Variants in NGLY1 observed in about 807,000 individuals in gnomAD.
NGLY1 encodes peptide-N(4)-(N-acetyl-beta-glucosaminyl)asparagine amidase.
Under a neutral mutation model 84.6 loss-of-function variants are expected in NGLY1, and 68 were observed. The ratio of observed to expected loss-of-function variants is 0.80; its 90% CI spans 0.66 to 0.98. The LOEUF (loss-of-function observed/expected upper bound fraction) is 0.98. NGLY1 is among the 50% of genes least tolerant of loss of function. NGLY1 has a pLI of 0.00. For missense variants in NGLY1, 779 were observed against 770.2 expected (o/e 1.01, Z -0.14); for synonymous variants, 280 against 275.2 (o/e 1.02, Z -0.17).
intron 1 of NGLY1, among the ~76,000 whole-genome samples, chr3:25,780,745 G>C (rs1217293620): frequency 6.6e-6 from 1 of 151,332 alleles, no homozygotes; most frequent in Non-Finnish European, 1.5e-5. Context: ...CTCAGCCTCT[G>C]AAGTAGCTAG....
chr3:25,788,503 A>T (rs1272880609), intron 1 of NGLY1, among the ~76,000 whole-genome samples: 3 of 152,238 alleles, frequency 2.0e-5, no homozygotes, highest in Non-Finnish European at 1.5e-5. Context: ...CAGATCAAAG[A>T]AAAGGTGATA....
intron 5 of NGLY1, among the ~76,000 whole-genome samples, chr3:25,738,198 C>A (rs991093339): frequency 6.6e-6 from 1 of 152,144 alleles, no homozygotes; most frequent in Non-Finnish European, 1.5e-5. Context: ...AGGTAAACAA[C>A]TTTAACAAAT....
chr3:25,754,874 G>A, intron 3 of NGLY1: 1 of 622,694 alleles, frequency 1.6e-6, no homozygotes, highest in Non-Finnish European at 2.9e-6. Context: ...GACCAACTAA[G>A]TTAAAGACTA....
In NGLY1 at chr3:25,778,875, AT is replaced by A. The variant is rs34966577; in HGVS notation, c.132-188del. Among the ~76,000 whole-genome samples, 12,593 of 81,010 alleles carry A rather than the reference AT, an allele frequency of 0.16. 1,342 individuals are homozygous for A. The highest frequency in any genetic ancestry group is 0.32 in the African/African-American group (9,639 of 30,248). The allele number at this position is 81,010 out of a possible 152,430, so 53.1% of individuals were successfully genotyped here. On this transcript the variant is annotated intron_variant, in intron 1 of 11. Coordinates refer to ENST00000280700, the MANE Select transcript of NGLY1 (RefSeq NM_018297.4). ...ATTACATTCTGTGCTGTTAAGGTAC[AT>A]TTTTTTTTTTTGAGATGGGGGGGGT...
intron 3 of NGLY1, among the ~76,000 whole-genome samples, chr3:25,753,349 G>C (rs1559545510): frequency 6.6e-6 from 1 of 152,070 alleles, no homozygotes; most frequent in African/African-American, 2.4e-5. Context: ...TTTCTGATAT[G>C]TAACAATACA....
Position 25,732,453 on chromosome 3 carries a change from T to C in NGLY1, c.1291A>G (p.Lys431Glu). 3 of 1,613,394 alleles carry C rather than the reference T, an allele frequency of 1.9e-6. No individual in the cohort carries two copies. Among genetic ancestry groups the C allele is most frequent in the Non-Finnish European group, 2.5e-6 (3 of 1,179,606 alleles). Residue 431 changes from lysine to glutamate, a missense_variant, in exon 9 of 12, where the codon AAA (lysine) becomes GAA (glutamate). Lys to Glu is a moderately conservative substitution (Grantham distance 56). Coordinates refer to ENST00000280700, the MANE Select transcript of NGLY1 (RefSeq NM_018297.4). ...RQLFLSENRR[K>E]ELLQRIIVEL... ...ACAATTATCCTCTGGAGAAGTTCTT[T>C]CCTTCTGTTTTCTGACAAAAACAGT...
chr3:25,729,484 T>C (rs532502927), intron 9 of NGLY1, 166 bp from the exon 10 acceptor site: 7 of 387,962 alleles, frequency 1.8e-5, no homozygotes, highest in Non-Finnish European at 2.7e-5. Context: ...ATAATCAGTA[T>C]GATGTTATTA....
chr3:25,751,857 C>T (rs1165575706), intron 3 of NGLY1, among the ~76,000 whole-genome samples: 1 of 152,204 alleles, frequency 6.6e-6, no homozygotes, highest in Non-Finnish European at 1.5e-5. Context: ...CTTCTCCCTC[C>T]TTGTCACCTC....
At chr3:25,762,198 T>C (rs983743182) in intron 3 of NGLY1, among the ~76,000 whole-genome samples, 2 of 152,122 alleles carry the variant, frequency 1.3e-5, no homozygotes, top group Non-Finnish European at 2.9e-5. Flanking sequence ...ATCTAGTTTA[T>C]ACACAGGTTA....
chr3:25,740,411 A>G (rs1706075099), intron 4 of NGLY1, among the ~76,000 whole-genome samples: 1 of 152,140 alleles, frequency 6.6e-6, no homozygotes, highest in African/African-American at 2.4e-5. Context: ...ACTTTTCCAT[A>G]AACAGATCTC....
At chr3:25,769,206 AAAG>A (rs1282786933) in intron 2 of NGLY1, among the ~76,000 whole-genome samples, 7 of 152,040 alleles carry the variant, frequency 4.6e-5, no homozygotes, top group Non-Finnish European at 1.0e-4. Context: ...TAAAAATACA[AAAG>A]AATTAGCCGG....
chr3:25,730,148 C>G (rs1233312323), intron 9 of NGLY1: 1 of 151,972 alleles, frequency 6.6e-6, no homozygotes. Context: ...GCAATCTTTG[C>G]ATTCTAGTCC....
At chr3:25,721,034 T>C (rs1052458719) in intron 10 of NGLY1, among the ~76,000 whole-genome samples, 4 of 152,228 alleles carry the variant, frequency 2.6e-5, no homozygotes, top group African/African-American at 9.6e-5. Flanking sequence ...TTTACACTTA[T>C]CTTAATGCAA....
At chr3:25,734,977 G>C (rs1705742806) in intron 7 of NGLY1, 1 of 458,966 alleles carries the variant, frequency 2.2e-6, no homozygotes. Flanking sequence ...ATTCAATGGA[G>C]AAAAAATAAT....
chr3:25,749,568 A>G, intron 4 of NGLY1: 2 of 1,542,946 alleles, frequency 1.3e-6, no homozygotes, highest in South Asian at 1.1e-5. Context: ...AGTCTGACTG[A>G]TATGTCAAAA....
intron 3 of NGLY1, among the ~76,000 whole-genome samples, chr3:25,757,557 C>G (rs559733335): frequency 6.6e-6 from 1 of 152,046 alleles, no homozygotes; most frequent in Non-Finnish European, 1.5e-5. Flanking sequence ...AAAAGACTAC[C>G]GAATGGTAAA....
rs1165791295 is a variant in NGLY1 at position 25,768,112 on chromosome 3, C to CAA, written c.247-3803_247-3802dup. ...TGGGCGACAGAGCAAGACTCCATCT[C>CAA]AAAAAAAAAAAAAAAAAAAAAAAAG... On this transcript the variant is annotated intron_variant, in intron 2 of 11. Transcript: ENST00000280700. Among the ~76,000 whole-genome samples the CAA allele has an allele frequency of 4.3e-3, 211 of 49,098 alleles. 1 individual carries two copies. The highest frequency in any genetic ancestry group is 0.016 in the Middle Eastern group (1 of 64). 32.2% of individuals were successfully genotyped at this position (49,098 alleles called of 152,430 possible). A position where few individuals can be genotyped will look rare whatever the true frequency, so the allele number is the denominator to read the frequency against.
At chr3:25,734,819 G>C (rs1288366616) in intron 7 of NGLY1, 2 of 946,528 alleles carry the variant, frequency 2.1e-6, no homozygotes, top group Non-Finnish European at 1.3e-6. Flanking sequence ...GAAACGCTAT[G>C]ATAAAAAAGT....
chr3:25,735,850 GTGA>G (rs1377833305), intron 7 of NGLY1, 151 bp downstream of exon 7: 3 of 654,900 alleles, frequency 4.6e-6, no homozygotes, highest in Non-Finnish European at 7.3e-6. Flanking sequence ...CTGATTTGCA[GTGA>G]TGATTTCAGT....
Sources: gnomAD v4.1 joint callset for allele counts (sites outside exome capture counted in the v4.1 genomes callset) on GRCh38, gnomAD v4.1.1 for gene constraint, MANE v1.5 for transcripts, NCBI Gene and HGNC (gene_info 2026-07-23, HGNC 2026-07-21) for gene names.